The following MBP variants were observed in gnomAD, a reference collection of about 807,000 sequenced individuals.
MBP encodes Golli-MBP.
MBP carries 16 observed loss-of-function variants against 35.8 expected under a neutral mutation model. The observed-to-expected ratio is 0.45, with a 90% CI of 0.30 to 0.68. MBP has a LOEUF of 0.68. MBP is among the 30% of genes least tolerant of loss of function. The probability of loss-of-function intolerance (pLI) is 0.08; values close to 1 mark genes in which losing one functional copy is unlikely to be tolerated. For synonymous variants in MBP, 143 were observed against 159.6 expected (o/e 0.90, Z 0.78); for missense variants, 380 against 404.7 (o/e 0.94, Z 0.52).
chr18:77,042,075 A>C (rs1444055695), intron 3 of MBP, among the ~76,000 whole-genome samples: 2 of 152,208 alleles, frequency 1.3e-5, no homozygotes. Context: ...GGAGCTCTCC[A>C]ACACAGAAAT....
chr18:77,123,292 A>G (rs76531760), intron 1 of MBP, among the ~76,000 whole-genome samples: 6,325 of 152,352 alleles, frequency 0.042, 332 homozygotes, highest in African/African-American at 0.11. Context: ...AGACTCACGC[A>G]GGACATAAAA....
intron 1 of MBP, among the ~76,000 whole-genome samples, chr18:77,116,679 C>T (rs1374377905): frequency 3.3e-5 from 5 of 152,100 alleles, no homozygotes; most frequent in East Asian, 1.9e-4. Flanking sequence ...GCCAACACGG[C>T]GAAACCCCGT....
At position 77,017,196 on chromosome 18, in the gene MBP, G is replaced by T. The variant is rs748030999; in HGVS notation, c.212C>A (p.Ala71Glu). The change falls in exon 4 of 9, where the codon GCG (alanine) becomes GAG (glutamate). Residue 71 changes from alanine (A) to glutamate (E), a missense_variant. Ala to Glu is a moderately radical substitution (Grantham distance 107). Coordinates refer to ENST00000355994, the MANE Select transcript of MBP (RefSeq NM_001025101.2). ...ATCCTGCCAGGCATTCTTCGGGTCC[G>T]CTGTGCGCTTGGAGTCAGTCACCGC... ...DTAVTDSKRTADPKNAWQDAH... is the reference protein window; with the variant it reads ...DTAVTDSKRTEDPKNAWQDAH... 4.6e-6 allele frequency: 7 copies of T among 1,534,422 alleles called. No individual in the cohort carries two copies. The highest frequency in any genetic ancestry group is 1.3e-5 in the South Asian group (1 of 78,992).
chr18:77,070,300 C>T (rs998052566), intron 2 of MBP, among the ~76,000 whole-genome samples: 15 of 152,208 alleles, frequency 9.9e-5, no homozygotes, highest in African/African-American at 3.1e-4. Flanking sequence ...ACACGCATTT[C>T]AAGCAAGGGT....
At chr18:77,032,624 C>G (rs909596568) in intron 3 of MBP, among the ~76,000 whole-genome samples, 1 of 152,332 alleles carries the variant, frequency 6.6e-6, no homozygotes, top group Admixed American at 6.5e-5. Context: ...CCTCCTTCAG[C>G]GCGGTGACAG....
At chr18:77,030,968 GGAATTCT>G (rs1055997787) in intron 3 of MBP, among the ~76,000 whole-genome samples, 1 of 152,148 alleles carries the variant, frequency 6.6e-6, no homozygotes. Flanking sequence ...TGTGGAAGAG[GGAATTCT>G]GAAGTCACAA....
chr18:77,025,717 T>A (rs1190514557), intron 3 of MBP, among the ~76,000 whole-genome samples: 1 of 148,104 alleles, frequency 6.8e-6, no homozygotes, highest in Non-Finnish European at 1.5e-5. Context: ...TTTTTTTTTT[T>A]TTTTTTTTAC....
At chr18:77,124,714 C>T (rs1331089975) in intron 1 of MBP, among the ~76,000 whole-genome samples, 2 of 152,220 alleles carry the variant, frequency 1.3e-5, no homozygotes, top group Non-Finnish European at 2.9e-5. Flanking sequence ...GGCAGCCACA[C>T]TTTACCTCCA....
At position 77,105,250 on chromosome 18, in the gene MBP, G is replaced by A. The variant is rs534506035; in HGVS notation, c.12C>T (p.His4=). 3.4e-5 allele frequency: 55 copies of A among 1,612,376 alleles called. No individual in the cohort carries two copies. The highest frequency in any genetic ancestry group is 3.3e-4 in the Middle Eastern group (2 of 6,044). ...CGGCATTTAATTCTCGTTTGCCTGC[G>A]TGGTTTCCCATCCTGAATGGATTGG... MGN[H]AGKRELNAEK... Residue 4 remains histidine (H), a synonymous_variant, in exon 2 of 9, where the codon CAC becomes CAT. Coordinates refer to ENST00000355994, the MANE Select transcript of MBP (RefSeq NM_001025101.2).
intron 3 of MBP, among the ~76,000 whole-genome samples, chr18:77,041,491 T>C (rs980057151): frequency 3.9e-5 from 6 of 152,100 alleles, no homozygotes; most frequent in Admixed American, 6.6e-5. Flanking sequence ...ATGTTTATTG[T>C]GGCACTATTC....
At position 76,980,048 on chromosome 18, in the gene MBP, A is replaced by ACAC. The variant is rs1969090812; in HGVS notation, c.*378_*379insGTG. 2.8e-6 allele frequency: 2 copies of ACAC among 702,244 alleles called. No homozygotes were observed. The highest frequency in any genetic ancestry group is 5.2e-6 in the Non-Finnish European group (2 of 384,944). The allele number at this position is 702,244 out of a possible 1,614,324, so 43.5% of individuals were successfully genotyped here. A position where few individuals can be genotyped will look rare whatever the true frequency, so the allele number is the denominator to read the frequency against. On this transcript the variant is annotated 3_prime_UTR_variant, in exon 9 of 9. Transcript: ENST00000355994. Reference sequence around the variant, plus strand: ...CTCTGCAGCTGTGTGCCTCCATGGCAGTGACCAGCAAAAGCGCAAGGGTGC... The same window carrying ACAC: ...CTCTGCAGCTGTGTGCCTCCATGGCACACGTGACCAGCAAAAGCGCAAGGGTGC...
At chr18:77,118,630 ACACACACACTACACAC>A (rs1350236424) in intron 1 of MBP, among the ~76,000 whole-genome samples, 1 of 132,116 alleles carries the variant, frequency 7.6e-6, no homozygotes, top group African/African-American at 2.8e-5. Flanking sequence ...ACACACACAC[ACACACACACTACACAC>A]CACACACACA....
rs928245888 is a variant in MBP at position 76,989,782 on chromosome 18, G to C, written c.681+174C>G. On this transcript the variant is annotated intron_variant, in intron 5 of 8. Transcript: ENST00000355994. The surrounding 1 kb of genome is among the most constrained non-coding windows in gnomAD (Gnocchi z 4.0). ...TCCGTGGCAGATACAGTCGGGAAGC[G>C]CTTGCCTGGAACTCGCGATCAGGTG... The C allele has an allele frequency of 4.9e-6, 3 of 611,368 alleles. No individual in the cohort carries two copies. Among genetic ancestry groups the C allele is most frequent in the African/African-American group, 3.7e-5 (2 of 54,128 alleles). The allele number at this position is 611,368 out of a possible 1,614,324, so 37.9% of individuals were successfully genotyped here.
intron 7 of MBP, chr18:76,987,870 C>T: frequency 1.2e-5 from 12 of 1,038,876 alleles, no homozygotes; most frequent in African/African-American, 3.4e-5. Context: ...TCAAATTGGC[C>T]ATTTTAAACC....
chr18:76,985,793 C>T, intron 7 of MBP: 1 of 991,000 alleles, frequency 1.0e-6, no homozygotes, highest in Non-Finnish European at 1.2e-6. Flanking sequence ...AGAACACAAG[C>T]CGTTCATGGA....
chr18:77,035,189 C>T (rs1188575622), intron 3 of MBP, among the ~76,000 whole-genome samples: 2 of 152,196 alleles, frequency 1.3e-5, no homozygotes, highest in East Asian at 3.9e-4. Flanking sequence ...GCTTCTTACG[C>T]ATTCCGTACT....
At chr18:77,073,637 A>G (rs912460771) in intron 2 of MBP, among the ~76,000 whole-genome samples, 29 of 152,226 alleles carry the variant, frequency 1.9e-4, no homozygotes, top group Non-Finnish European at 3.7e-4. Context: ...TTTGCTGCAG[A>G]TAGACACTCT....
rs1424713523 is a variant in MBP at position 77,101,940 on chromosome 18, A to G, written c.51+3271T>C. 6.6e-6 allele frequency among the ~76,000 whole-genome samples: 1 copy of G among 152,196 alleles called. No individual in the cohort carries two copies. The highest frequency in any genetic ancestry group is 1.5e-5 in the Non-Finnish European group (1 of 68,038). ...TAGGTATGATTCATTTACTCTTTCG[A>G]ACATCTGTAAGCCAGTTATGTGCTG... On this transcript the variant is annotated intron_variant, in intron 2 of 8. Coordinates refer to ENST00000355994, the MANE Select transcript of MBP (RefSeq NM_001025101.2). This position sits in a 1 kb window ranked among gnomAD's most constrained non-coding sequence, Gnocchi z 4.3.
intron 4 of MBP, chr18:77,006,778 G>A (rs1487587181): frequency 6.6e-6 from 1 of 152,280 alleles, no homozygotes; most frequent in African/African-American, 2.4e-5. Context: ...TGCTGGAGGG[G>A]GCACCGCAGC....
Sources: allele counts gnomAD v4.1 joint callset (sites outside exome capture counted in the v4.1 genomes callset), GRCh38; gene constraint gnomAD v4.1.1; non-coding constraint Gnocchi (gnomAD v3.1); transcripts MANE v1.5; gene names NCBI Gene and HGNC (gene_info 2026-07-23, HGNC 2026-07-21).